The following UGT1A10 variants were observed in gnomAD, a reference collection of about 807,000 sequenced individuals.
The protein encoded by UGT1A10 is UDP-glucuronosyltransferase 1A10.
In UGT1A10, 49 loss-of-function variants were observed where a neutral mutation model predicts 45.8. The observed-to-expected ratio is 1.07, with a 90% confidence interval of 0.85 to 1.36. The LOEUF (loss-of-function observed/expected upper bound fraction) is 1.36. Ranked by LOEUF, UGT1A10 falls within the 40% of genes most tolerant of loss-of-function variation. The pLI is 0.00. For missense variants in UGT1A10, 745 were observed against 668.6 expected (o/e 1.11, Z -1.26); for synonymous variants, 284 against 249.7 (o/e 1.14, Z -1.29).
At position 233,747,921 on chromosome 2, in the gene UGT1A10, G is replaced by A. The variant is rs1693813476; in HGVS notation, c.856-19113G>A. The A allele has an allele frequency of 2.2e-5, 36 of 1,613,276 alleles. 2 individuals are homozygous for A. The South Asian group carries it at 4.0e-4, about 18-fold the overall frequency. ...TGCTCCTTATGCAAGCCTTGCCTCT[G>A]AGCTTTTTCAGAGGGAGGTGTCAGT... On this transcript the variant is annotated intron_variant, in intron 1 of 4. Coordinates refer to ENST00000344644, the MANE Select transcript of UGT1A10 (RefSeq NM_019075.4).
chr2:233,759,959 G>A (rs149939396), intron 1 of UGT1A10, among the ~76,000 whole-genome samples: 41 of 152,230 alleles, frequency 2.7e-4, no homozygotes, highest in African/African-American at 8.9e-4. Context: ...CTACATAGTC[G>A]TCCTTCTTCC....
At chr2:233,680,233 G>A (rs2125517413) in intron 1 of UGT1A10, among the ~76,000 whole-genome samples, 1 of 152,136 alleles carries the variant, frequency 6.6e-6, no homozygotes, top group East Asian at 1.9e-4. Flanking sequence ...GGTATTCAAG[G>A]TTTAAAAAAT....
intron 1 of UGT1A10, among the ~76,000 whole-genome samples, chr2:233,652,389 C>T (rs910379402): frequency 2.0e-5 from 3 of 152,026 alleles, no homozygotes; most frequent in Non-Finnish European, 4.4e-5. Flanking sequence ...CATGTATCTG[C>T]TCTTTTGTTC....
intron 1 of UGT1A10, chr2:233,750,662 C>T (rs1387659754): frequency 7.0e-6 from 1 of 143,446 alleles, no homozygotes; most frequent in Non-Finnish European, 1.5e-5. Context: ...ACTTGGTGCC[C>T]TGTGTCCCAG....
intron 1 of UGT1A10, among the ~76,000 whole-genome samples, chr2:233,665,794 A>G (rs1421001374): frequency 6.6e-6 from 1 of 152,214 alleles, no homozygotes; most frequent in African/African-American, 2.4e-5. Flanking sequence ...CTTATGGATA[A>G]ATACCCAACA....
intron 1 of UGT1A10, 31 bp downstream of exon 1, chr2:233,637,408 A>T: frequency 6.4e-7 from 1 of 1,574,318 alleles, no homozygotes; most frequent in Non-Finnish European, 8.6e-7. Context: ...CACATTAAGA[A>T]TAATCTGGCT....
chr2:233,724,563 G>A, intron 1 of UGT1A10, among the ~76,000 whole-genome samples: 1 of 129,616 alleles, frequency 7.7e-6, no homozygotes, highest in Non-Finnish European at 1.6e-5. Flanking sequence ...CCCAGATGGG[G>A]CGGCGGGGCA....
chr2:233,738,642 C>A (rs182421853), intron 1 of UGT1A10, among the ~76,000 whole-genome samples: 1 of 152,330 alleles, frequency 6.6e-6, no homozygotes, highest in East Asian at 1.9e-4. Context: ...TGCCCTAGAG[C>A]TCTTTGGAAC....
At chr2:233,726,402 T>C (rs1404707610) in intron 1 of UGT1A10, among the ~76,000 whole-genome samples, 7 of 152,206 alleles carry the variant, frequency 4.6e-5, no homozygotes, top group Non-Finnish European at 1.0e-4. Context: ...AGTCTTTTGA[T>C]GTCAGCATTC....
chr2:233,675,207 A>G (rs2074314536), intron 1 of UGT1A10, among the ~76,000 whole-genome samples: 1 of 152,174 alleles, frequency 6.6e-6, no homozygotes, highest in Admixed American at 6.5e-5. Context: ...CCCGTCTTCA[A>G]TGTCAGGGAT....
At chr2:233,709,750 T>G (rs1304861881) in intron 1 of UGT1A10, among the ~76,000 whole-genome samples, 1 of 152,206 alleles carries the variant, frequency 6.6e-6, no homozygotes, top group African/African-American at 2.4e-5. Context: ...AAAATAAACA[T>G]TATTGGAGTA....
At chr2:233,693,061 A>T (rs1042707) in intron 1 of UGT1A10, 1 of 1,614,096 alleles carries the variant, frequency 6.2e-7, no homozygotes, top group Non-Finnish European at 8.5e-7. Context: ...TCTTCTTAGC[A>T]CTTTGGGGCA....
chr2:233,699,724 G>A (rs908175905), intron 1 of UGT1A10, among the ~76,000 whole-genome samples: 2 of 152,272 alleles, frequency 1.3e-5, no homozygotes, highest in South Asian at 2.1e-4. Context: ...CATTTTTTAC[G>A]GAGCGTTTTC....
chr2:233,641,780 T>G (rs1225579164), intron 1 of UGT1A10, among the ~76,000 whole-genome samples: 1 of 152,224 alleles, frequency 6.6e-6, no homozygotes, highest in East Asian at 1.9e-4. Context: ...AGATATACTA[T>G]TCTGGGGTAA....
In UGT1A10 at chr2:233,637,171, C is replaced by A. The variant is rs753054350; in HGVS notation, c.649C>A (p.His217Asn). ...GAACCACATCGTGCACTTGGAGGAC[C>A]ATTTATTTTGCCAGTATCTTTTTAG... Reference protein sequence around the residue: ...VWNHIVHLEDHLFCQYLFRNA... With the variant: ...VWNHIVHLEDNLFCQYLFRNA... The change falls in exon 1 of 5, where the codon CAT becomes AAT. Residue 217 changes from histidine (H) to asparagine (N), a missense_variant. By Grantham distance (68) the His-to-Asn change is moderately conservative. Transcript: ENST00000344644. The A allele has an allele frequency of 6.8e-6, 11 of 1,613,840 alleles. No individual in the cohort carries two copies. The highest frequency in any genetic ancestry group is 2.2e-5 in the South Asian group (2 of 91,078).
intron 1 of UGT1A10, chr2:233,713,779 T>G: frequency 6.2e-7 from 1 of 1,614,034 alleles, no homozygotes; most frequent in Non-Finnish European, 8.5e-7. Flanking sequence ...GACTTTGTGA[T>G]GGATTACCCC....
intron 4 of UGT1A10, among the ~76,000 whole-genome samples, chr2:233,771,924 G>A (rs1363047939): frequency 1.3e-5 from 2 of 151,928 alleles, no homozygotes; most frequent in Non-Finnish European, 2.9e-5. Context: ...AACACAGCCT[G>A]GGCAACACAA....
chr2:233,764,699 G>A (rs1698625659), intron 1 of UGT1A10, among the ~76,000 whole-genome samples: 1 of 152,188 alleles, frequency 6.6e-6, no homozygotes, highest in African/African-American at 2.4e-5. Flanking sequence ...ACTTGGAAAT[G>A]AGCTGTGTCT....
chr2:233,713,202 G>C, intron 1 of UGT1A10: 1 of 1,614,240 alleles, frequency 6.2e-7, no homozygotes, highest in South Asian at 1.1e-5. Flanking sequence ...GTACATCAAA[G>C]AAGAGAACTT....
Sources: gnomAD v4.1 joint callset for allele counts (sites outside exome capture counted in the v4.1 genomes callset) on GRCh38, gnomAD v4.1.1 for gene constraint, MANE v1.5 for transcripts, NCBI Gene and HGNC (gene_info 2026-07-23, HGNC 2026-07-21) for gene names.